Variants in NRG1 observed in about 807,000 individuals in gnomAD.
NRG1 encodes the protein neuregulin 1, also known as pro-neuregulin-1, membrane-bound isoform.
NRG1 carries 18 observed loss-of-function variants against 63.8 expected under a neutral mutation model. That is an observed-to-expected ratio of 0.28 (90% CI 0.19 to 0.42). NRG1 has a LOEUF of 0.42. NRG1 is among the 10% of genes least tolerant of loss of function. The probability of loss-of-function intolerance (pLI) is 1.00; values close to 1 mark genes in which losing one functional copy is unlikely to be tolerated. For missense variants in NRG1, 762 were observed against 814.7 expected, an observed-to-expected ratio of 0.94 and a Z score of 0.79; for synonymous variants, 302 against 301.3, an observed-to-expected ratio of 1.00 and a Z score of -0.02.
chr8:32,440,890 C>T (rs772452229), intron 1 of NRG1: 3 of 152,192 alleles, frequency 2.0e-5, no homozygotes, highest in Admixed American at 1.3e-4. Context: ...TGCCTGAACA[C>T]GGCTATGCTG....
rs1405031817 is a variant in NRG1, at chr8:31,640,570, T to A, written c.37+1139T>A. On this transcript the variant is annotated intron_variant, in intron 1 of 10. Transcript: ENST00000519301. The surrounding 1 kb of genome is among the most constrained non-coding windows in gnomAD (Gnocchi z 6.3). ...CTGGGGCCACCCCGCCTTCCCCTCC[T>A]GCGGGAGGCTCAAGGAGGACAGCAG... 4.3e-6 allele frequency: 7 copies of A among 1,611,878 alleles called. No homozygotes were observed. The highest frequency in any genetic ancestry group is 5.9e-6 in the Non-Finnish European group (7 of 1,179,432).
At chr8:31,642,477 G>T (rs1803891250) in intron 1 of NRG1, among the ~76,000 whole-genome samples, 1 of 152,178 alleles carries the variant, frequency 6.6e-6, no homozygotes, top group Non-Finnish European at 1.5e-5. Flanking sequence ...TAAGACTTGA[G>T]AGGTAAAGTT....
At chr8:31,936,232 G>A (rs978022609) in intron 1 of NRG1, among the ~76,000 whole-genome samples, 6 of 152,060 alleles carry the variant, frequency 3.9e-5, no homozygotes, top group South Asian at 2.1e-4. Context: ...AGTATATCGC[G>A]GTGTACAATA....
intron 1 of NRG1, among the ~76,000 whole-genome samples, chr8:32,264,462 G>T (rs1033831772): frequency 6.6e-6 from 1 of 152,224 alleles, no homozygotes; most frequent in Middle Eastern, 3.4e-3. Context: ...AAGCTTTCTA[G>T]TAAGCAAAAA....
At chr8:32,202,860 C>T (rs371278929) in intron 1 of NRG1, among the ~76,000 whole-genome samples, 20 of 150,886 alleles carry the variant, frequency 1.3e-4, no homozygotes, top group African/African-American at 2.4e-4. Context: ...GATGGGCACA[C>T]GATAGGGGGT....
intron 1 of NRG1, among the ~76,000 whole-genome samples, chr8:32,345,705 C>A (rs1382669313): frequency 6.6e-6 from 1 of 152,150 alleles, no homozygotes; most frequent in Admixed American, 6.5e-5. Flanking sequence ...TGCAGTGGCT[C>A]ATACCTGTAA....
In NRG1 at chr8:32,618,824, T is replaced by G. The variant is rs115938033; in HGVS notation, c.502+1939T>G. ...GGGAGGGGATAAGGAGAGTTGAAAC[T>G]TGTGATTTTTATTAGGTTGATCAAG... On this transcript the variant is annotated intron_variant, in intron 5 of 11. Transcript: ENST00000356819. 6.1e-3 allele frequency among the ~76,000 whole-genome samples: 932 copies of G among 152,220 alleles called. 8 individuals are homozygous for G. Among genetic ancestry groups the G allele is most frequent in the African/African-American group, 0.022 (900 of 41,530 alleles).
intron 1 of NRG1, among the ~76,000 whole-genome samples, chr8:31,840,284 G>A (rs1826068846): frequency 6.6e-6 from 1 of 150,478 alleles, no homozygotes; most frequent in South Asian, 2.1e-4. Flanking sequence ...TGGCCCGAGT[G>A]CAGGCTGCTT....
intron 1 of NRG1, among the ~76,000 whole-genome samples, chr8:32,168,772 G>A (rs984565716): frequency 1.3e-5 from 2 of 152,094 alleles, no homozygotes; most frequent in Non-Finnish European, 2.9e-5. Flanking sequence ...TTATCAACAA[G>A]GCCTTTGTTG....
intron 1 of NRG1, among the ~76,000 whole-genome samples, chr8:31,959,794 A>AT (rs370990011): frequency 0.4 from 48,227 of 121,524 alleles, 10,491 homozygotes; most frequent in South Asian, 0.53. Context: ...TTATTTATTT[A>AT]TTATTTATTT....
chr8:32,390,085 T>G (rs538337534), intron 1 of NRG1, among the ~76,000 whole-genome samples: 1 of 152,202 alleles, frequency 6.6e-6, no homozygotes, highest in African/African-American at 2.4e-5. Context: ...TTCGTCATTT[T>G]TTTCCCTCCC....
intron 5 of NRG1, among the ~76,000 whole-genome samples, chr8:32,699,435 A>G (rs1399917893): frequency 6.6e-6 from 1 of 152,198 alleles, no homozygotes; most frequent in African/African-American, 2.4e-5. Flanking sequence ...TGATTAATGC[A>G]GTTGTAGGGA....
chr8:32,616,783 A>G (rs1847448848), intron 4 of NRG1, 52 bp from the exon 5 acceptor site: 1 of 1,434,116 alleles, frequency 7.0e-7, no homozygotes, highest in Non-Finnish European at 9.8e-7. Flanking sequence ...CTAATTTATG[A>G]GTCCAAGCAG....
chr8:32,596,118 T>C (rs1843316372), intron 2 of NRG1, 113 bp downstream of exon 2: 2 of 823,846 alleles, frequency 2.4e-6, no homozygotes, highest in African/African-American at 3.5e-5. Context: ...AGATAATAAG[T>C]GAAAAGCTGT....
At chr8:32,331,919 T>G (rs1336064128) in intron 1 of NRG1, among the ~76,000 whole-genome samples, 1 of 152,098 alleles carries the variant, frequency 6.6e-6, no homozygotes, top group Admixed American at 6.6e-5. Flanking sequence ...GATGACTATG[T>G]CAAATGGAAG....
At chr8:32,178,796 T>G (rs903190321) in intron 1 of NRG1, among the ~76,000 whole-genome samples, 2 of 151,972 alleles carry the variant, frequency 1.3e-5, no homozygotes, top group Non-Finnish European at 2.9e-5. Context: ...GTAGGTTCGA[T>G]AAAACTTGGT....
chr8:31,759,870 A>G (rs1817350897), intron 1 of NRG1, among the ~76,000 whole-genome samples: 1 of 152,146 alleles, frequency 6.6e-6, no homozygotes. Context: ...TATTTAGATC[A>G]TCACTAATTT....
At chr8:32,246,373 A>G (rs1049274852) in intron 1 of NRG1, among the ~76,000 whole-genome samples, 2 of 152,132 alleles carry the variant, frequency 1.3e-5, no homozygotes, top group Admixed American at 1.3e-4. Context: ...CTCTTGGCTT[A>G]ACAGTTTCAT....
intron 1 of NRG1, among the ~76,000 whole-genome samples, chr8:32,034,887 A>C (rs1586631844): frequency 2.0e-5 from 3 of 151,198 alleles, no homozygotes; most frequent in Admixed American, 2.0e-4. Flanking sequence ...TTTTTTTTCA[A>C]AAAAACAGCT....
Sources: allele counts gnomAD v4.1 joint callset (sites outside exome capture counted in the v4.1 genomes callset), GRCh38; gene constraint gnomAD v4.1.1; non-coding constraint Gnocchi (gnomAD v3.1); transcripts MANE v1.5; gene names NCBI Gene and HGNC (gene_info 2026-07-23, HGNC 2026-07-21).